The following LINGO2 variants were observed in gnomAD, a reference collection of about 807,000 sequenced individuals.
LINGO2 encodes leucine rich repeat and Ig domain containing 2.
Under a neutral mutation model 30.6 loss-of-function variants are expected in LINGO2, and 14 were observed. The ratio of observed to expected loss-of-function variants is 0.46; its 90% CI spans 0.30 to 0.72. The LOEUF (loss-of-function observed/expected upper bound fraction) is 0.72, where lower values mean the gene tolerates loss of function less well. Ranked by LOEUF, LINGO2 falls within the 30% of genes least tolerant of loss-of-function variation. The pLI is 0.07. For missense variants in LINGO2, 729 were observed against 751.7 expected, an observed-to-expected ratio of 0.97 and a Z score of 0.35; for synonymous variants, 317 against 288.5, an observed-to-expected ratio of 1.10 and a Z score of -1.00.
At chr9:28,003,737 G>C (rs1429194975) in intron 5 of LINGO2, among the ~76,000 whole-genome samples, 1 of 152,124 alleles carries the variant, frequency 6.6e-6, no homozygotes, top group African/African-American at 2.4e-5. Context: ...TGATGTTTTT[G>C]TAACTAGAAA....
intron 2 of LINGO2, among the ~76,000 whole-genome samples, chr9:28,417,324 TCCTAGGTGCTA>T: frequency 6.6e-6 from 1 of 152,136 alleles, no homozygotes; most frequent in Non-Finnish European, 1.5e-5. Flanking sequence ...GCCAACACAG[TCCTAGGTGCTA>T]CATTTAAATG....
intron 4 of LINGO2, among the ~76,000 whole-genome samples, chr9:28,076,561 T>C (rs1825629070): frequency 1.3e-5 from 2 of 152,196 alleles, no homozygotes; most frequent in South Asian, 4.1e-4. Flanking sequence ...GTATGTCTTA[T>C]TTTATTTTTG....
intron 1 of LINGO2, among the ~76,000 whole-genome samples, chr9:28,534,158 T>C (rs1428384289): frequency 6.6e-6 from 1 of 152,094 alleles, no homozygotes; most frequent in East Asian, 1.9e-4. Flanking sequence ...CATTCTGCTT[T>C]ATTTATTTAT....
chr9:28,208,496 G>A (rs1414657189), intron 4 of LINGO2, among the ~76,000 whole-genome samples: 1 of 151,950 alleles, frequency 6.6e-6, no homozygotes, highest in Non-Finnish European at 1.5e-5. Flanking sequence ...GGGGGCAGGA[G>A]GTAAAGAGGA....
intron 1 of LINGO2, among the ~76,000 whole-genome samples, chr9:28,493,331 ATAAC>A (rs1826475926): frequency 6.6e-6 from 1 of 152,198 alleles, no homozygotes; most frequent in Non-Finnish European, 1.5e-5. Flanking sequence ...GAAAGTATTT[ATAAC>A]TGACATATCA....
At chr9:29,107,641 A>T in the LINGO2 span, among the ~76,000 whole-genome samples, 1 of 152,150 alleles carries the variant, frequency 6.6e-6, no homozygotes, top group African/African-American at 2.4e-5. Context: ...AAAAATGTTA[A>T]TTCTCAAACT....
intron 4 of LINGO2, among the ~76,000 whole-genome samples, chr9:28,108,254 T>C (rs887942469): frequency 2.6e-5 from 4 of 152,112 alleles, no homozygotes; most frequent in Non-Finnish European, 5.9e-5. Context: ...CGCAATTAGG[T>C]TGTTTCCCCT....
At chr9:28,224,671 C>T (rs893837209) in intron 4 of LINGO2, among the ~76,000 whole-genome samples, 5 of 152,076 alleles carry the variant, frequency 3.3e-5, no homozygotes, top group Non-Finnish European at 5.9e-5. Context: ...CATACCCTTC[C>T]TGGCCTCTGA....
intron 1 of LINGO2, among the ~76,000 whole-genome samples, chr9:28,546,214 G>C (rs1043228519): frequency 6.6e-6 from 1 of 151,942 alleles, no homozygotes; most frequent in Non-Finnish European, 1.5e-5. Flanking sequence ...TAGTGTAGGG[G>C]TAGACAGACA....
the LINGO2 span, among the ~76,000 whole-genome samples, chr9:29,086,880 T>C: frequency 6.6e-6 from 1 of 150,746 alleles, no homozygotes; most frequent in Non-Finnish European, 1.5e-5. Context: ...GTTGAATAAT[T>C]AAGAGCAGTG....
At chr9:28,539,028 T>A (rs1044012840) in intron 1 of LINGO2, among the ~76,000 whole-genome samples, 2 of 152,080 alleles carry the variant, frequency 1.3e-5, no homozygotes, top group Admixed American at 6.6e-5. Context: ...TCAGAGATTT[T>A]TCAATTATAT....
At chr9:29,140,634 C>G in the LINGO2 span, among the ~76,000 whole-genome samples, 1 of 151,580 alleles carries the variant, frequency 6.6e-6, no homozygotes, top group Non-Finnish European at 1.5e-5. Flanking sequence ...CAAAATTTCC[C>G]AAGTCTGGGG....
chr9:27,983,633 G>T (rs1820988423), intron 5 of LINGO2, among the ~76,000 whole-genome samples: 2 of 151,806 alleles, frequency 1.3e-5, no homozygotes, highest in African/African-American at 4.8e-5. Context: ...ATTAATAAAA[G>T]AAAGCAAATA....
At chr9:29,022,446 G>A in the LINGO2 span, among the ~76,000 whole-genome samples, 13 of 152,240 alleles carry the variant, frequency 8.5e-5, no homozygotes, top group Non-Finnish European at 1.9e-4. Flanking sequence ...TATGACAACT[G>A]AGGGGCTGAG....
chr9:28,275,153 C>T (rs922412236), intron 4 of LINGO2, among the ~76,000 whole-genome samples: 2 of 152,102 alleles, frequency 1.3e-5, no homozygotes, highest in Admixed American at 1.3e-4. Flanking sequence ...ACTGCAAGCT[C>T]CGTCTCCTGG....
At chr9:29,178,999 G>A in the LINGO2 span, among the ~76,000 whole-genome samples, 1 of 151,118 alleles carries the variant, frequency 6.6e-6, no homozygotes, top group Admixed American at 6.6e-5. Flanking sequence ...TTACCCAGAG[G>A]AAGGCTTCTG....
At chr9:28,342,367 G>A (rs1044962469) in intron 3 of LINGO2, among the ~76,000 whole-genome samples, 9 of 152,068 alleles carry the variant, frequency 5.9e-5, no homozygotes, top group Admixed American at 2.6e-4. Flanking sequence ...CAACAAACAC[G>A]CAAACTTTAT....
chr9:28,918,398 A>G, the LINGO2 span, among the ~76,000 whole-genome samples: 1 of 152,224 alleles, frequency 6.6e-6, no homozygotes, highest in African/African-American at 2.4e-5. Flanking sequence ...GTGGGGACAC[A>G]GAGCCAAACC....
chr9:28,807,495 G>A, the LINGO2 span, among the ~76,000 whole-genome samples: 2 of 152,054 alleles, frequency 1.3e-5, no homozygotes, highest in Admixed American at 1.3e-4. Context: ...TAAGCCTCTT[G>A]GAGAGCATCT....
Sources: gnomAD v4.1 joint callset for allele counts (sites outside exome capture counted in the v4.1 genomes callset) on GRCh38, gnomAD v4.1.1 for gene constraint, MANE v1.5 for transcripts, NCBI Gene and HGNC (gene_info 2026-07-23, HGNC 2026-07-21) for gene names.